Variants in SLC26A8 observed in about 807,000 individuals in gnomAD.
SLC26A8 encodes solute carrier family 26 member 8, also known as testis anion transporter 1.
In SLC26A8, 70 loss-of-function variants were observed where a neutral mutation model predicts 105.0. The observed-to-expected ratio is 0.67, with a 90% CI of 0.55 to 0.81. SLC26A8 has a LOEUF of 0.81. Ranked by LOEUF, SLC26A8 falls within the 40% of genes least tolerant of loss-of-function variation. The pLI is 0.00. For synonymous variants in SLC26A8, 415 were observed against 438.3 expected, an observed-to-expected ratio of 0.95 and a Z score of 0.66; for missense variants, 998 against 1,181.8, an observed-to-expected ratio of 0.84 and a Z score of 2.28.
intron 11 of SLC26A8, among the ~76,000 whole-genome samples, chr6:35,967,072 T>C (rs1005861213): frequency 1.2e-4 from 18 of 152,218 alleles, no homozygotes; most frequent in African/African-American, 3.6e-4. Flanking sequence ...CTGTAGAAAC[T>C]GAATTCTGGA....
intron 12 of SLC26A8, among the ~76,000 whole-genome samples, chr6:35,961,442 T>G (rs1399858006): frequency 3.3e-5 from 5 of 152,234 alleles, no homozygotes; most frequent in Non-Finnish European, 7.3e-5. Context: ...TGGTAGTTGC[T>G]ATTTTAAGAT....
chr6:36,007,161 A>G (rs1443917966), intron 3 of SLC26A8, among the ~76,000 whole-genome samples: 2 of 134,636 alleles, frequency 1.5e-5, no homozygotes, highest in African/African-American at 2.7e-5. Flanking sequence ...AAAGTCATTA[A>G]GGCCATTCAT....
At chr6:35,994,335 C>G (rs1381683389) in intron 5 of SLC26A8, among the ~76,000 whole-genome samples, 3 of 151,598 alleles carry the variant, frequency 2.0e-5, no homozygotes, top group Admixed American at 2.0e-4. Context: ...AGGATGGTCT[C>G]GATCTCCTGA....
intron 11 of SLC26A8, among the ~76,000 whole-genome samples, chr6:35,967,064 G>A (rs1772546233): frequency 6.6e-6 from 1 of 152,226 alleles, no homozygotes; most frequent in African/African-American, 2.4e-5. Context: ...CAAAGGTGCT[G>A]TAGAAACTGA....
intron 7 of SLC26A8, among the ~76,000 whole-genome samples, chr6:35,984,056 C>T (rs1773388050): frequency 6.6e-6 from 1 of 152,166 alleles, no homozygotes. Flanking sequence ...TCTCTAATCC[C>T]TGCTATGTGG....
chr6:35,953,965 A>G (rs569918742), intron 17 of SLC26A8, among the ~76,000 whole-genome samples: 2 of 152,226 alleles, frequency 1.3e-5, no homozygotes, highest in Admixed American at 1.3e-4. Context: ...AAGGAAAACC[A>G]TCCAAAGGCA....
chr6:35,986,668 G>A (rs936177271), intron 7 of SLC26A8, among the ~76,000 whole-genome samples: 9 of 152,018 alleles, frequency 5.9e-5, no homozygotes, highest in Non-Finnish European at 1.2e-4. Context: ...TGTCCCAAAT[G>A]ACAAGATTTC....
At chr6:35,965,686 A>G (rs1172394027) in intron 11 of SLC26A8, among the ~76,000 whole-genome samples, 1 of 149,150 alleles carries the variant, frequency 6.7e-6, no homozygotes, top group African/African-American at 2.5e-5. Flanking sequence ...CCATCTCAAA[A>G]AAAAAAAAAA....
At chr6:35,968,804 C>T (rs890205104) in intron 11 of SLC26A8, 73 bp downstream of exon 11, 35 of 682,148 alleles carry the variant, frequency 5.1e-5, no homozygotes, top group Admixed American at 4.2e-4. Flanking sequence ...CCTTACCCCC[C>T]GCACACACAC....
At chr6:35,962,698 A>C in intron 11 of SLC26A8, 77 bp from the exon 12 acceptor site, 1 of 1,392,086 alleles carries the variant, frequency 7.2e-7, no homozygotes, top group Non-Finnish European at 1.0e-6. Context: ...AGGAATCACA[A>C]AAAGTTAGCC....
chr6:35,994,623 T>C (rs1761297446), intron 5 of SLC26A8, among the ~76,000 whole-genome samples: 1 of 149,416 alleles, frequency 6.7e-6, no homozygotes, highest in Admixed American at 6.7e-5. Flanking sequence ...TCACCCAGGC[T>C]GGAGTGCAGT....
In SLC26A8 at chr6:35,975,424, C is replaced by G; in HGVS notation, c.1238G>C (p.Gly413Ala). 1 of 1,613,616 alleles carries G rather than the reference C, an allele frequency of 6.2e-7. No individual in the cohort carries two copies. The change falls in exon 10 of 20, where the codon GGT (glycine) becomes GCT (alanine). Residue 413 changes from glycine (G) to alanine (A), a missense_variant. By Grantham distance (60) the Gly-to-Ala change is moderately conservative. Transcript: ENST00000490799. ...SSFFRSCVFT[G>A]AIARTIIQDK... ...CTGGATAATAGTCCTAGCAATAGCACCAGTAAACACACAAGATCTGAAAAA... is the reference window on the plus strand; with the variant it reads ...CTGGATAATAGTCCTAGCAATAGCAGCAGTAAACACACAAGATCTGAAAAA...
chr6:35,994,308 G>T (rs1761284335), intron 5 of SLC26A8, among the ~76,000 whole-genome samples: 1 of 151,540 alleles, frequency 6.6e-6, no homozygotes, highest in Admixed American at 6.6e-5. Flanking sequence ...TAGAGACAGG[G>T]TTTCACCGTG....
intron 19 of SLC26A8, among the ~76,000 whole-genome samples, 199 bp from the exon 20 acceptor site, chr6:35,944,539 A>T (rs1771601480): frequency 6.8e-6 from 1 of 147,926 alleles, no homozygotes; most frequent in Non-Finnish European, 1.5e-5. Context: ...ATTATTATAT[A>T]ATAATAATAA....
At chr6:36,002,419 C>T (rs1761550214) in intron 3 of SLC26A8, among the ~76,000 whole-genome samples, 1 of 152,160 alleles carries the variant, frequency 6.6e-6, no homozygotes, top group Admixed American at 6.5e-5. Flanking sequence ...GGGGCATTTA[C>T]TAAATAGTGC....
At chr6:35,962,423 T>G in intron 12 of SLC26A8, 103 bp downstream of exon 12, 3 of 921,562 alleles carry the variant, frequency 3.3e-6, no homozygotes, top group Non-Finnish European at 1.7e-6. Flanking sequence ...AAAGAGTTGT[T>G]TGTGTTCTTT....
intron 7 of SLC26A8, among the ~76,000 whole-genome samples, chr6:35,991,104 T>TA: frequency 6.6e-6 from 1 of 152,076 alleles, no homozygotes; most frequent in African/African-American, 2.4e-5. Flanking sequence ...CGAAAACAAT[T>TA]AAAAATGATA....
intron 11 of SLC26A8, among the ~76,000 whole-genome samples, chr6:35,966,745 T>C (rs533377300): frequency 1.6e-4 from 25 of 152,170 alleles, no homozygotes; most frequent in Non-Finnish European, 3.1e-4. Flanking sequence ...AGAACCTTAT[T>C]GTTACAGTAA....
intron 3 of SLC26A8, among the ~76,000 whole-genome samples, chr6:36,011,114 G>A (rs1348759407): frequency 6.6e-6 from 1 of 152,044 alleles, no homozygotes; most frequent in Non-Finnish European, 1.5e-5. Flanking sequence ...GACTATCTGG[G>A]GAACTATAAA....
Sources: gnomAD v4.1 joint callset for allele counts (sites outside exome capture counted in the v4.1 genomes callset) on GRCh38, gnomAD v4.1.1 for gene constraint, MANE v1.5 for transcripts, NCBI Gene and HGNC (gene_info 2026-07-23, HGNC 2026-07-21) for gene names.